The following ZP1 variants were observed in gnomAD, a reference collection of about 807,000 sequenced individuals.
ZP1 encodes the protein zona pellucida sperm-binding protein 1.
In ZP1, 58 loss-of-function variants were observed where a neutral mutation model predicts 67.4. That is an observed-to-expected ratio of 0.86 (90% CI 0.70 to 1.07). The LOEUF (loss-of-function observed/expected upper bound fraction) is 1.07, where lower values mean the gene tolerates loss of function less well. ZP1 is among the 50% of genes least tolerant of loss of function. The probability of loss-of-function intolerance (pLI) is 0.00; values close to 1 mark genes in which losing one functional copy is unlikely to be tolerated. For missense variants in ZP1, 759 were observed against 807.3 expected, an observed-to-expected ratio of 0.94 and a Z score of 0.72; for synonymous variants, 333 against 332.7, an observed-to-expected ratio of 1.00 and a Z score of -0.01.
chr11:60,870,262 A>G lies in ZP1; in HGVS notation c.683-70A>G, dbSNP rs373039142. The G allele has an allele frequency of 6.0e-4, 837 of 1,403,554 alleles. 17 individuals are homozygous for G. In the South Asian group the frequency reaches 0.013, roughly 22 times the overall value. 86.9% of individuals were successfully genotyped at this position (1,403,554 alleles called of 1,614,324 possible). ...AGCACAAGCTCTGGAGCAGGTTCCC[A>G]AGATTCAATTCCAGGGCCATGATTT... On this transcript the variant is annotated intron_variant, in intron 3 of 11. Coordinates refer to ENST00000278853, the MANE Select transcript of ZP1 (RefSeq NM_207341.4).
At position 60,871,227 on chromosome 11, in the gene ZP1, AC is replaced by A. The variant is rs1233231470; in HGVS notation, c.1027del (p.Gln343SerfsTer57). On this transcript the variant is annotated frameshift_variant, in exon 6 of 12. Coordinates refer to ENST00000278853, the MANE Select transcript of ZP1 (RefSeq NM_207341.4). LOFTEE classifies it high-confidence loss of function. The stretch of plus-strand genomic sequence containing the variant: ...TGTCTCTTCCTACAGGTGGCTGGCG[AC>A]CAGCTCATCTATGAGAACTGGCTGG... ...HCGTTMQVAG[D>X]QLIYENWLVS... 2 of 1,613,976 alleles carry A rather than the reference AC, an allele frequency of 1.2e-6. No individual in the cohort carries two copies. The highest frequency in any genetic ancestry group is 3.3e-5 in the Admixed American group (2 of 60,022).
chr11:60,874,935 T>G lies in ZP1; in HGVS notation c.1575T>G (p.Val525=). 1 of 1,614,198 alleles carries G rather than the reference T, an allele frequency of 6.2e-7. No homozygotes were observed. Among genetic ancestry groups the G allele is most frequent in the Non-Finnish European group, 8.5e-7 (1 of 1,180,038 alleles). Residue 525 remains valine, a splice_region_variant and synonymous_variant, in exon 10 of 12, where the codon GTT becomes GTG. Coordinates refer to ENST00000278853, the MANE Select transcript of ZP1 (RefSeq NM_207341.4). ...TGATGTTCTTCTCCTTCCACCAGGTTTACTTGTTCTGCAGCACCTCTGCCT... is the reference window on the plus strand; with the variant it reads ...TGATGTTCTTCTCCTTCCACCAGGTGTACTTGTTCTGCAGCACCTCTGCCT... ...SGSQRALRGL[V]YLFCSTSACH...
At chr11:60,872,837 G>GGA (rs1208170787) in intron 6 of ZP1, among the ~76,000 whole-genome samples, 1 of 152,170 alleles carries the variant, frequency 6.6e-6, no homozygotes, top group Non-Finnish European at 1.5e-5. Context: ...CGGCACAGCA[G>GGA]GCAGCTGTGG....
At position 60,871,005 on chromosome 11, in the gene ZP1, A is replaced by G; in HGVS notation, c.875A>G (p.Gln292Arg). 1 of 1,614,228 alleles carries G rather than the reference A, an allele frequency of 6.2e-7. No individual in the cohort carries two copies. Among genetic ancestry groups the G allele is most frequent in the East Asian group, 2.2e-5 (1 of 44,890 alleles). ...RDGYFVLVVSQEMALTHRITL... is the reference protein window; with the variant it reads ...RDGYFVLVVSREMALTHRITL... The stretch of plus-strand genomic sequence containing the variant: ...GGCTACTTCGTCCTCGTGGTGTCCC[A>G]AGAAATGGCCTTGACACACAGGATC... The change falls in exon 5 of 12, where the codon CAA becomes CGA. Residue 292 changes from glutamine (Q) to arginine (R), a missense_variant. By Grantham distance (43) the Gln-to-Arg change is conservative. Transcript: ENST00000278853.
intron 1 of ZP1, among the ~76,000 whole-genome samples, chr11:60,868,366 C>A (rs1178037704): frequency 1.3e-5 from 2 of 152,212 alleles, no homozygotes; most frequent in East Asian, 3.8e-4. Context: ...CATCTCTAAC[C>A]ACGCTCAGTC....
At chr11:60,869,289 C>T (rs1426999553) in intron 2 of ZP1, 23 bp downstream of exon 2, 2 of 1,613,724 alleles carry the variant, frequency 1.2e-6, no homozygotes, top group Non-Finnish European at 1.7e-6. Context: ...CATGCTCTGG[C>T]ACAGGGGCAA....
chr11:60,870,464 A>G lies in ZP1; in HGVS notation c.815A>G (p.Tyr272Cys), dbSNP rs2134828430. ...YDNTREVPCYYGNTATVQCFR... is the reference protein window; with the variant it reads ...YDNTREVPCYCGNTATVQCFR... ...AACACCAGAGAGGTTCCCTGTTACT[A>G]TGGCAACACAGGTACAACCTCCCAC... The change falls in exon 4 of 12, where the codon TAT becomes TGT. Residue 272 changes from tyrosine (Y) to cysteine (C), a missense_variant. Coordinates refer to ENST00000278853, the MANE Select transcript of ZP1 (RefSeq NM_207341.4). 6.2e-7 allele frequency: 1 copy of G among 1,609,030 alleles called. No homozygotes were observed. The highest frequency in any genetic ancestry group is 8.5e-7 in the Non-Finnish European group (1 of 1,177,938).
chr11:60,869,040 A>T (rs1212350561), intron 1 of ZP1, 105 bp from the exon 2 acceptor site: 1 of 1,409,978 alleles, frequency 7.1e-7, no homozygotes, highest in East Asian at 2.3e-5. Context: ...AGCTAAGGCA[A>T]GAACCCAGGT....
Position 60,873,357 on chromosome 11 carries a change from GAGT to G in ZP1, c.1241-17_1241-15del. 1 of 1,595,424 alleles carries G rather than the reference GAGT, an allele frequency of 6.3e-7. No homozygotes were observed. On this transcript the variant is annotated splice_polypyrimidine_tract_variant and intron_variant, in intron 7 of 11. Transcript: ENST00000278853. ...TGATGCACAGCCCGCCCTGGCTCAT[GAGT>G]CACTCTCCCTGCAGACGAGACCTTC...
chr11:60,874,862 T>C (rs1204838532), intron 9 of ZP1, 71 bp from the exon 10 acceptor site: 35 of 1,492,408 alleles, frequency 2.3e-5, no homozygotes, highest in Non-Finnish European at 2.7e-5. Flanking sequence ...GGGGATTCCA[T>C]GTCCTTCCCT....
chr11:60,873,252 G>GC lies in ZP1; in HGVS notation c.1206dup (p.Gly403ArgfsTer6), dbSNP rs1855618052. 1 of 1,598,888 alleles carries GC rather than the reference G, an allele frequency of 6.3e-7. No homozygotes were observed. Among genetic ancestry groups the GC allele is most frequent in the Non-Finnish European group, 8.5e-7 (1 of 1,171,278 alleles). ...CCCCATCGCCTGCTCCTATGACCCA[G>GC]CCCGGCCCCCTGCGGCTTGAGCTGC... On this transcript the variant is annotated frameshift_variant, in exon 7 of 12. Transcript: ENST00000278853. LOFTEE classifies it high-confidence loss of function.
Position 60,875,461 on chromosome 11 carries a change from G to A in ZP1, c.1775-53G>A, listed in dbSNP as rs994021143. On this transcript the variant is annotated intron_variant, in intron 11 of 11. Transcript: ENST00000278853. ...GTGTGATACAAAGTTCTGGGGTGGA[G>A]GGGAGGGTTGGAGGGGCCTCACCCA... 11 of 1,603,496 alleles carry A rather than the reference G, an allele frequency of 6.9e-6. No individual in the cohort carries two copies. The African/African-American group carries it at 1.1e-4, about 16-fold the overall frequency.
intron 1 of ZP1, 122 bp downstream of exon 1, chr11:60,867,879 GC>G: frequency 2.8e-6 from 3 of 1,089,036 alleles, no homozygotes; most frequent in Non-Finnish European, 3.9e-6. Context: ...GGGGTGTCCA[GC>G]CCCCCACCCC....
At position 60,873,664 on chromosome 11, in the gene ZP1, C is replaced by T. The variant is rs550197240; in HGVS notation, c.1461C>T (p.Thr487=). The T allele has an allele frequency of 2.5e-6, 4 of 1,614,206 alleles. No homozygotes were observed. Among genetic ancestry groups the T allele is most frequent in the South Asian group, 2.2e-5 (2 of 91,084 alleles). Residue 487 remains threonine (T), a synonymous_variant, in exon 9 of 12, where the codon ACC becomes ACT. Coordinates refer to ENST00000278853, the MANE Select transcript of ZP1 (RefSeq NM_207341.4). ...GCPFKGDSYR[T]QMVALDGATP... is the part of the protein sequence containing the mutation. Reference sequence around the variant, plus strand: ...CTTTCAAGGGCGACAGCTACAGAACCCAAATGGTAGCCTTGGACGGGGCCA... The same window carrying T: ...CTTTCAAGGGCGACAGCTACAGAACTCAAATGGTAGCCTTGGACGGGGCCA...
In ZP1 at chr11:60,873,509, G is replaced by C; in HGVS notation, c.1375G>C (p.Gly459Arg). 1 of 1,613,228 alleles carries C rather than the reference G, an allele frequency of 6.2e-7. No individual in the cohort carries two copies. Among genetic ancestry groups the C allele is most frequent in the Non-Finnish European group, 8.5e-7 (1 of 1,179,598 alleles). The change falls in exon 8 of 12, where the codon GGC becomes CGC. Residue 459 changes from glycine to arginine, a missense_variant. Physicochemically the swap from Gly to Arg is moderately radical, Grantham distance 125 (BLOSUM62 -2). Coordinates refer to ENST00000278853, the MANE Select transcript of ZP1 (RefSeq NM_207341.4). ...NLVLLLHQCW[G>R]APSANPFQQP... The stretch of plus-strand genomic sequence containing the variant: ...GGTCCTGCTGCTGCACCAGTGCTGG[G>C]GCGCTCCCAGTGCCAACCCCTTCCA...
At chr11:60,868,440 G>A (rs926682240) in intron 1 of ZP1, among the ~76,000 whole-genome samples, 1 of 152,224 alleles carries the variant, frequency 6.6e-6, no homozygotes, top group Non-Finnish European at 1.5e-5. Context: ...GTGGCCTGGT[G>A]TGGGTTTAGA....
At position 60,873,277 on chromosome 11, in the gene ZP1, C is replaced by T. The variant is rs777987879; in HGVS notation, c.1228C>T (p.Arg410Trp). 10 of 1,583,714 alleles carry T rather than the reference C, an allele frequency of 6.3e-6. No individual in the cohort carries two copies. The highest frequency in any genetic ancestry group is 4.5e-5 in the East Asian group (2 of 44,488). Residue 410 changes from arginine (R) to tryptophan (W), a missense_variant, in exon 7 of 12, where the codon CGG becomes TGG. Physicochemically the swap from Arg to Trp is moderately radical, Grantham distance 101. Transcript: ENST00000278853. ...GCCCGGCCCCCTGCGGCTTGAGCTGCGGATTGCCAAAGGTATGCTATGCTA... is the reference window on the plus strand; with the variant it reads ...GCCCGGCCCCCTGCGGCTTGAGCTGTGGATTGCCAAAGGTATGCTATGCTA... The part of the protein sequence containing the change: ...TQPGPLRLEL[R>W]IAKDETFSSY...
chr11:60,869,725 C>T lies in ZP1; in HGVS notation c.507C>T (p.Gly169=), dbSNP rs755490129. The change falls in exon 3 of 12, where the codon GGC becomes GGT. Residue 169 remains glycine, a synonymous_variant. Coordinates refer to ENST00000278853, the MANE Select transcript of ZP1 (RefSeq NM_207341.4). ...PQTLSFLPTS[G]HTSQGSGHAF... ...CCCTTTCCTTCCTCCCCACCTCTGGCCATACCTCCCAAGGCTCTGGCCATG... is the reference window on the plus strand; with the variant it reads ...CCCTTTCCTTCCTCCCCACCTCTGGTCATACCTCCCAAGGCTCTGGCCATG... 3 of 1,613,702 alleles carry T rather than the reference C, an allele frequency of 1.9e-6. No individual in the cohort carries two copies. The highest frequency in any genetic ancestry group is 1.7e-6 in the Non-Finnish European group (2 of 1,179,728).
Position 60,873,676 on chromosome 11 carries a change from C to T in ZP1, c.1473C>T (p.Ala491=). 1.9e-6 allele frequency: 3 copies of T among 1,614,196 alleles called. No individual in the cohort carries two copies. Among genetic ancestry groups the T allele is most frequent in the Non-Finnish European group, 2.5e-6 (3 of 1,180,034 alleles). ...ACAGCTACAGAACCCAAATGGTAGC[C>T]TTGGACGGGGCCACACCTTTCCAGT... ...KGDSYRTQMV[A]LDGATPFQSH... Residue 491 remains alanine, a synonymous_variant, in exon 9 of 12, where the codon GCC becomes GCT. Coordinates refer to ENST00000278853, the MANE Select transcript of ZP1 (RefSeq NM_207341.4).
Sources: gnomAD v4.1 joint callset for allele counts (sites outside exome capture counted in the v4.1 genomes callset) on GRCh38, gnomAD v4.1.1 for gene constraint, MANE v1.5 for transcripts, NCBI Gene and HGNC (gene_info 2026-07-23, HGNC 2026-07-21) for gene names.